The following MAN2A1 variants were observed in gnomAD, a reference collection of about 807,000 sequenced individuals.
MAN2A1 encodes the protein alpha-mannosidase 2.
A neutral mutation model predicts 142.6 loss-of-function variants in MAN2A1; 76 were observed. That is an observed-to-expected ratio of 0.53 (90% CI 0.44 to 0.65). The LOEUF (loss-of-function observed/expected upper bound fraction) is 0.65. Among genes scored for constraint, MAN2A1 ranks in the 30% least tolerant of loss-of-function variants. The probability of loss-of-function intolerance (pLI) is 0.00; values close to 1 mark genes in which losing one functional copy is unlikely to be tolerated. For missense variants in MAN2A1, 1,311 were observed against 1,365.1 expected (o/e 0.96, Z 0.62); for synonymous variants, 559 against 473.2 (o/e 1.18, Z -2.35).
intron 1 of MAN2A1, among the ~76,000 whole-genome samples, chr5:109,710,629 C>A (rs1392922446): frequency 6.6e-6 from 1 of 151,964 alleles, no homozygotes; most frequent in African/African-American, 2.4e-5. Context: ...GTCAGCCTTC[C>A]GAGTATCTGG....
At chr5:109,699,408 A>G (rs1750909040) in intron 1 of MAN2A1, 1 of 135,598 alleles carries the variant, frequency 7.4e-6, no homozygotes, top group Admixed American at 7.9e-5. Flanking sequence ...ATTGTACAAC[A>G]TACTGATTAT....
intron 4 of MAN2A1, among the ~76,000 whole-genome samples, chr5:109,730,887 A>G (rs1751886196): frequency 6.6e-6 from 1 of 152,120 alleles, no homozygotes; most frequent in Admixed American, 6.6e-5. Flanking sequence ...TGCCTTCCTA[A>G]GATTGAATTA....
intron 16 of MAN2A1, among the ~76,000 whole-genome samples, chr5:109,838,667 T>G (rs1755119971): frequency 6.6e-6 from 1 of 152,232 alleles, no homozygotes; most frequent in African/African-American, 2.4e-5. Context: ...CAGGGATACC[T>G]CCTTGCTTTT....
At chr5:109,802,924 T>C (rs1754069040) in intron 12 of MAN2A1, among the ~76,000 whole-genome samples, 3 of 152,080 alleles carry the variant, frequency 2.0e-5, no homozygotes, top group Admixed American at 1.3e-4. Flanking sequence ...GTTTAAAGTT[T>C]ATGATAGGCT....
chr5:109,796,334 A>G (rs534954044), intron 12 of MAN2A1, among the ~76,000 whole-genome samples: 12 of 152,214 alleles, frequency 7.9e-5, no homozygotes, highest in South Asian at 4.1e-4. Context: ...TACTGGTTCC[A>G]TAGTCAAAGG....
intron 4 of MAN2A1, among the ~76,000 whole-genome samples, chr5:109,738,502 C>G (rs1162808493): frequency 6.6e-6 from 1 of 152,098 alleles, no homozygotes; most frequent in Non-Finnish European, 1.5e-5. Context: ...ACTTGAAGGA[C>G]AGTCAGCTTG....
At chr5:109,706,627 G>A (rs758977868) in intron 1 of MAN2A1, among the ~76,000 whole-genome samples, 11 of 152,140 alleles carry the variant, frequency 7.2e-5, no homozygotes, top group Non-Finnish European at 1.3e-4. Flanking sequence ...GGTGAAGGAT[G>A]TCATTAAAGA....
chr5:109,714,989 CAAAAAA>C (rs60333109), intron 2 of MAN2A1, among the ~76,000 whole-genome samples: 1 of 118,108 alleles, frequency 8.5e-6, no homozygotes. Context: ...AAGGGAACAG[CAAAAAA>C]AAAAAAAAAA....
chr5:109,787,933 C>T (rs1178258674), intron 10 of MAN2A1, among the ~76,000 whole-genome samples: 2 of 151,756 alleles, frequency 1.3e-5, no homozygotes, highest in African/African-American at 4.8e-5. Flanking sequence ...TATAGATTTG[C>T]CATGTAAATG....
At chr5:109,692,800 G>C (rs936764381) in intron 1 of MAN2A1, among the ~76,000 whole-genome samples, 1 of 151,840 alleles carries the variant, frequency 6.6e-6, no homozygotes, top group African/African-American at 2.4e-5. Flanking sequence ...GGGTGGGGAT[G>C]GGGGGAGTCG....
Position 109,855,351 on chromosome 5 carries a change from A to G in MAN2A1, c.3171+17A>G. Reference sequence around the variant, plus strand: ...CAGTCAAAGGTATGTCTCAAAATATATCTTATAAAAAATTACTGTTTATTA... The same window carrying G: ...CAGTCAAAGGTATGTCTCAAAATATGTCTTATAAAAAATTACTGTTTATTA... On this transcript the variant is annotated intron_variant, in intron 20 of 21. Coordinates refer to ENST00000261483, the MANE Select transcript of MAN2A1 (RefSeq NM_002372.4). 1 of 1,468,740 alleles carries G rather than the reference A, an allele frequency of 6.8e-7. No individual in the cohort carries two copies. Among genetic ancestry groups the G allele is most frequent in the Non-Finnish European group, 9.0e-7 (1 of 1,105,626 alleles). The allele number at this position is 1,468,740 out of a possible 1,614,324, so 91.0% of individuals were successfully genotyped here. A position where few individuals can be genotyped will look rare whatever the true frequency, so the allele number is the denominator to read the frequency against.
intron 5 of MAN2A1, among the ~76,000 whole-genome samples, chr5:109,766,304 C>T (rs768251159): frequency 1.9e-4 from 29 of 152,212 alleles, no homozygotes; most frequent in Middle Eastern, 3.4e-3. Context: ...TTGTTAAATC[C>T]GTGCTACCAC....
chr5:109,754,641 A>G (rs534746927), intron 4 of MAN2A1, among the ~76,000 whole-genome samples: 12 of 152,362 alleles, frequency 7.9e-5, no homozygotes, highest in East Asian at 1.9e-4. Context: ...CAGCCCTCCA[A>G]TAAACACTCA....
At chr5:109,847,006 ATT>A (rs1245495072) in intron 18 of MAN2A1, among the ~76,000 whole-genome samples, 177 of 151,402 alleles carry the variant, frequency 1.2e-3, no homozygotes, top group Admixed American at 1.8e-3. Flanking sequence ...GCTAAATTCA[ATT>A]TTTTTTTGAA....
At chr5:109,823,892 T>G in intron 16 of MAN2A1, 55 bp downstream of exon 16, 8 of 838,202 alleles carry the variant, frequency 9.5e-6, no homozygotes, top group Non-Finnish European at 1.4e-5. Flanking sequence ...TTTGAATTCT[T>G]GCTTTTCTTA....
chr5:109,746,712 C>G (rs567372536), intron 4 of MAN2A1, among the ~76,000 whole-genome samples: 1 of 151,852 alleles, frequency 6.6e-6, no homozygotes, highest in Non-Finnish European at 1.5e-5. Context: ...TACCATCCAT[C>G]TCTAGAACTT....
intron 4 of MAN2A1, among the ~76,000 whole-genome samples, chr5:109,742,032 T>G (rs1275250912): frequency 6.6e-6 from 1 of 152,234 alleles, no homozygotes; most frequent in Non-Finnish European, 1.5e-5. Flanking sequence ...AGTTAAATAC[T>G]GCATGATGTT....
chr5:109,784,892 G>A lies in MAN2A1; in HGVS notation c.1726G>A (p.Ala576Thr), dbSNP rs1407598892. ...FQHHDAITGT[A>T]KDWVVVDYGT... ...ACATCATGATGCTATCACAGGAACTGCAAAAGACTGGGTGGTTGTGGATTA... is the reference window on the plus strand; with the variant it reads ...ACATCATGATGCTATCACAGGAACTACAAAAGACTGGGTGGTTGTGGATTA... Residue 576 changes from alanine to threonine, a missense_variant, in exon 10 of 22, where the codon GCA (alanine) becomes ACA (threonine). This residue lies in a region of MAN2A1 where 890 missense variants were observed against 920.5 expected (regional missense o/e 0.97). Coordinates refer to ENST00000261483, the MANE Select transcript of MAN2A1 (RefSeq NM_002372.4). 6.2e-7 allele frequency: 1 copy of A among 1,605,932 alleles called. No individual in the cohort carries two copies. The highest frequency in any genetic ancestry group is 1.7e-5 in the Admixed American group (1 of 58,098).
intron 3 of MAN2A1, among the ~76,000 whole-genome samples, chr5:109,725,099 C>A (rs1751705913): frequency 6.6e-6 from 1 of 151,980 alleles, no homozygotes; most frequent in Non-Finnish European, 1.5e-5. Context: ...CTAAAATTTG[C>A]AGGAACTGGG....
Sources: allele counts gnomAD v4.1 joint callset (sites outside exome capture counted in the v4.1 genomes callset), GRCh38; gene constraint gnomAD v4.1.1; regional missense constraint gnomAD v4.1.1; transcripts MANE v1.5; gene names NCBI Gene and HGNC (gene_info 2026-07-23, HGNC 2026-07-21).